CDYL: variants seen among roughly 807,000 people sequenced by gnomAD.
CDYL encodes the protein chromodomain Y-like protein.
Under a neutral mutation model 47.3 loss-of-function variants are expected in CDYL, and 8 were observed. The ratio of observed to expected loss-of-function variants is 0.17; its 90% CI spans 0.10 to 0.31. The LOEUF is 0.31. Among genes scored for constraint, CDYL ranks in the 10% least tolerant of loss-of-function variants. CDYL has a pLI of 1.00. For missense variants in CDYL, 471 were observed against 701.4 expected (o/e 0.67, Z 3.71); for synonymous variants, 266 against 265.0 (o/e 1.00, Z -0.04).
At position 4,866,549 on chromosome 6, in the gene CDYL, C is replaced by T. The variant is rs538138765; in HGVS notation, c.25-25164C>T. Among the ~76,000 whole-genome samples, 7 of 152,014 alleles carry T rather than the reference C, an allele frequency of 4.6e-5. No individual in the cohort carries two copies. The South Asian group carries it at 6.2e-4, about 14-fold the overall frequency. On this transcript the variant is annotated intron_variant, in intron 1 of 6. Transcript: ENST00000397588. ...AGTTCTTGGAAACTGCTACTTTAAG[C>T]GAAAAGACAATGCCAAGTCCTTGAA...
chr6:4,904,387 C>T (rs940384007), intron 2 of CDYL, among the ~76,000 whole-genome samples: 1 of 152,240 alleles, frequency 6.6e-6, no homozygotes, highest in Non-Finnish European at 1.5e-5. Flanking sequence ...CCAAGGCATC[C>T]TTAATAGGAA....
At chr6:4,725,325 G>A (rs771044392) in intron 2 of CDYL, among the ~76,000 whole-genome samples, 4 of 152,370 alleles carry the variant, frequency 2.6e-5, no homozygotes, top group East Asian at 3.9e-4. Flanking sequence ...GCGCCTGTGC[G>A]CCCACACTCC....
At chr6:4,948,197 G>A (rs896043776) in intron 5 of CDYL, among the ~76,000 whole-genome samples, 14 of 152,204 alleles carry the variant, frequency 9.2e-5, no homozygotes, top group African/African-American at 3.4e-4. Flanking sequence ...GAGATCTGAG[G>A]TTCTGACCCC....
At chr6:4,941,760 C>G (rs1758366225) in intron 4 of CDYL, among the ~76,000 whole-genome samples, 1 of 151,984 alleles carries the variant, frequency 6.6e-6, no homozygotes, top group African/African-American at 2.4e-5. Context: ...GTAGAATTAC[C>G]TTCTTATTAC....
intron 2 of CDYL, among the ~76,000 whole-genome samples, chr6:4,931,003 A>G (rs889525848): frequency 3.3e-5 from 5 of 152,048 alleles, no homozygotes; most frequent in African/African-American, 1.2e-4. Flanking sequence ...CCATTTGTTT[A>G]GTCATTAGCA....
At chr6:4,926,107 G>A (rs1445535392) in intron 2 of CDYL, among the ~76,000 whole-genome samples, 1 of 152,134 alleles carries the variant, frequency 6.6e-6, no homozygotes, top group Non-Finnish European at 1.5e-5. Flanking sequence ...TAGAGAACTG[G>A]AAGTGAAGGA....
chr6:4,826,966 G>T (rs1439986747), intron 1 of CDYL, among the ~76,000 whole-genome samples: 6 of 152,060 alleles, frequency 3.9e-5, no homozygotes, highest in Non-Finnish European at 2.9e-5. Flanking sequence ...GTCAATATTT[G>T]CTTCATGTAT....
At chr6:4,926,497 T>C (rs1757878583) in intron 2 of CDYL, among the ~76,000 whole-genome samples, 1 of 143,958 alleles carries the variant, frequency 6.9e-6, no homozygotes, top group Admixed American at 6.9e-5. Flanking sequence ...TTGAAAACAT[T>C]AAAACTTGCT....
At chr6:4,802,635 T>C (rs1759257318) in intron 1 of CDYL, among the ~76,000 whole-genome samples, 1 of 152,204 alleles carries the variant, frequency 6.6e-6, no homozygotes. Context: ...ATTTTTAGTT[T>C]TGAAATACTA....
intron 5 of CDYL, among the ~76,000 whole-genome samples, chr6:4,949,285 C>T (rs146585057): frequency 0.018 from 2,815 of 152,292 alleles, 35 homozygotes; most frequent in South Asian, 0.031. Context: ...GAATGCCCAG[C>T]GAGTACCTGA....
intron 2 of CDYL, among the ~76,000 whole-genome samples, chr6:4,716,593 ATTTTT>A (rs35154777): frequency 1.2e-4 from 14 of 119,988 alleles, no homozygotes; most frequent in African/African-American, 4.5e-4. Context: ...GGCAGCAATA[ATTTTT>A]TTTTTTTTTT....
intron 1 of CDYL, among the ~76,000 whole-genome samples, chr6:4,828,914 A>G (rs80300772): frequency 0.027 from 4,044 of 151,986 alleles, 183 homozygotes; most frequent in African/African-American, 0.092. Flanking sequence ...TGAATTTTTT[A>G]TTTCAATTAT....
chr6:4,761,637 C>T (rs1028143242), intron 3 of CDYL, among the ~76,000 whole-genome samples: 19 of 152,188 alleles, frequency 1.2e-4, no homozygotes, highest in East Asian at 3.8e-4. Context: ...CCACCACGCC[C>T]GGCCCACTTT....
At position 4,927,975 on chromosome 6, in the gene CDYL, C is replaced by G. The variant is rs148768912; in HGVS notation, c.692-7540C>G. The stretch of plus-strand genomic sequence containing the variant: ...TGATTCATGATGCATGTATCCTCAT[C>G]ATAGAAGCTGTTCTTAAACTGATTC... On this transcript the variant is annotated intron_variant, in intron 2 of 6. Transcript: ENST00000397588. 2.0e-4 allele frequency among the ~76,000 whole-genome samples: 31 copies of G among 152,318 alleles called. 1 individual carries two copies. Among genetic ancestry groups the G allele is most frequent in the Admixed American group, 1.8e-3 (28 of 15,304 alleles).
intron 1 of CDYL, among the ~76,000 whole-genome samples, chr6:4,814,726 T>C (rs796708216): frequency 7.2e-5 from 11 of 152,304 alleles, no homozygotes; most frequent in African/African-American, 2.6e-4. Context: ...TTTTACCATG[T>C]TGGCCAGGCT....
At chr6:4,896,200 C>T (rs1581245856) in intron 2 of CDYL, among the ~76,000 whole-genome samples, 1 of 152,164 alleles carries the variant, frequency 6.6e-6, no homozygotes, top group Non-Finnish European at 1.5e-5. Flanking sequence ...TGCAGATTAA[C>T]GAGGAGGAAG....
intron 1 of CDYL, among the ~76,000 whole-genome samples, chr6:4,829,880 G>A (rs1485686011): frequency 6.6e-6 from 1 of 152,212 alleles, no homozygotes; most frequent in Non-Finnish European, 1.5e-5. Context: ...AGGCTGTCAG[G>A]CCAGGGAGGC....
chr6:4,785,386 C>T (rs1267026205), intron 1 of CDYL, among the ~76,000 whole-genome samples: 1 of 152,108 alleles, frequency 6.6e-6, no homozygotes, highest in Non-Finnish European at 1.5e-5. Context: ...TGTCTTATTT[C>T]CATTTGTAGT....
chr6:4,820,899 TC>T (rs1159887724), intron 1 of CDYL, among the ~76,000 whole-genome samples: 1 of 152,154 alleles, frequency 6.6e-6, no homozygotes, highest in Non-Finnish European at 1.5e-5. Flanking sequence ...CTGTAAAACA[TC>T]CGCAGGCCTT....
Sources: allele counts gnomAD v4.1 joint callset (sites outside exome capture counted in the v4.1 genomes callset), GRCh38; gene constraint gnomAD v4.1.1; transcripts MANE v1.5; gene names NCBI Gene and HGNC (gene_info 2026-07-23, HGNC 2026-07-21).